VPS53: variants seen among roughly 807,000 people sequenced by gnomAD.
VPS53 encodes VPS53 subunit of GARP complex, also known as vacuolar protein sorting-associated protein 53 homolog.
In VPS53, 70 loss-of-function variants were observed where a neutral mutation model predicts 107.0. The ratio of observed to expected loss-of-function variants is 0.65; its 90% CI spans 0.54 to 0.80. VPS53 has a LOEUF of 0.80. Among genes scored for constraint, VPS53 ranks in the 30% least tolerant of loss-of-function variants. VPS53 has a pLI of 0.00. For missense variants in VPS53, 917 were observed against 1,049.4 expected (o/e 0.87, Z 1.74); for synonymous variants, 409 against 393.3 (o/e 1.04, Z -0.47).
intron 15 of VPS53, 111 bp from the exon 16 acceptor site, chr17:553,573 A>AG: frequency 1.3e-6 from 1 of 746,720 alleles, no homozygotes; most frequent in Non-Finnish European, 2.0e-6. Context: ...AATTCCATAC[A>AG]CTTTTTTTTT....
chr17:709,798 C>T (rs1001808372), intron 2 of VPS53, among the ~76,000 whole-genome samples: 11 of 152,286 alleles, frequency 7.2e-5, no homozygotes, highest in Middle Eastern at 6.8e-3. Flanking sequence ...GTAAGAAAAT[C>T]CATCTCCACA....
chr17:534,256 T>C (rs902635987), intron 18 of VPS53, among the ~76,000 whole-genome samples: 14 of 152,196 alleles, frequency 9.2e-5, no homozygotes, highest in African/African-American at 3.4e-4. Context: ...ATCTCCTTGA[T>C]TGAAGGGAGG....
At chr17:604,430 A>C (rs1230456832) in intron 11 of VPS53, among the ~76,000 whole-genome samples, 1 of 152,184 alleles carries the variant, frequency 6.6e-6, no homozygotes, top group Non-Finnish European at 1.5e-5. Flanking sequence ...AAGCATCAAG[A>C]AAACGGAGAG....
intron 11 of VPS53, among the ~76,000 whole-genome samples, chr17:612,533 CAT>C (rs1217901314): frequency 4.2e-5 from 6 of 141,484 alleles, no homozygotes; most frequent in South Asian, 2.3e-4. Flanking sequence ...CAAATATTCA[CAT>C]AGTGAGTTCA....
rs2151787988 is a variant in VPS53, at chr17:516,303, A to G, written c.*2825T>C. The G allele has an allele frequency of 6.6e-6, 1 of 152,248 alleles. No homozygotes were observed. Among genetic ancestry groups the G allele is most frequent in the Non-Finnish European group, 1.5e-5 (1 of 68,002 alleles). 9.4% of individuals were successfully genotyped at this position (152,248 alleles called of 1,614,324 possible). A position where few individuals can be genotyped will look rare whatever the true frequency, so the allele number is the denominator to read the frequency against. On this transcript the variant is annotated 3_prime_UTR_variant, in exon 22 of 22. Coordinates refer to ENST00000437048, the MANE Select transcript of VPS53 (RefSeq NM_001128159.3). Reference sequence around the variant, plus strand: ...CAAGGTGTAAACGTTATAACTACCTATGGAACTTTTAAACCTGTATGCCAG... The same window carrying G: ...CAAGGTGTAAACGTTATAACTACCTGTGGAACTTTTAAACCTGTATGCCAG...
Position 517,526 on chromosome 17 carries a change from T to C in VPS53, c.*1602A>G. On this transcript the variant is annotated 3_prime_UTR_variant, in exon 22 of 22. Coordinates refer to ENST00000437048, the MANE Select transcript of VPS53 (RefSeq NM_001128159.3). ...GATTTTAAGGAAATTTCCTCTATCC[T>C]GAAAACTTTTTGAGAAGGGGTCTTG... 1 of 398,440 alleles carries C rather than the reference T, an allele frequency of 2.5e-6. No homozygotes were observed. The highest frequency in any genetic ancestry group is 4.4e-6 in the Non-Finnish European group (1 of 225,948). 24.7% of individuals were successfully genotyped at this position (398,440 alleles called of 1,614,324 possible). A position where few individuals can be genotyped will look rare whatever the true frequency, so the allele number is the denominator to read the frequency against.
chr17:691,904 G>C (rs1972788539), intron 4 of VPS53, among the ~76,000 whole-genome samples: 1 of 152,188 alleles, frequency 6.6e-6, no homozygotes, highest in Non-Finnish European at 1.5e-5. Flanking sequence ...GTATACATAG[G>C]AAAAAATACG....
chr17:706,418 A>T (rs330999), intron 2 of VPS53, among the ~76,000 whole-genome samples: 86,680 of 151,016 alleles, frequency 0.57, 25,574 homozygotes, highest in Non-Finnish European at 0.64. Context: ...GTGTCTGTAA[A>T]CTCAGCTACT....
At position 511,066 on chromosome 17, in the gene VPS53, CTG is replaced by C. The variant is rs1453968884; in HGVS notation, c.*8060_*8061del. ...TGTAGGTATGAGGCTGTGGGGGACT[CTG>C]TGTAAACAGATGTTTTCTTTATATA... is the stretch of plus-strand genomic sequence containing the variant. On this transcript the variant is annotated 3_prime_UTR_variant, in exon 22 of 22. Transcript: ENST00000437048. 6.6e-6 allele frequency: 1 copy of C among 152,286 alleles called. No homozygotes were observed. Among genetic ancestry groups the C allele is most frequent in the Non-Finnish European group, 1.5e-5 (1 of 68,070 alleles). 9.4% of individuals were successfully genotyped at this position (152,286 alleles called of 1,614,324 possible). A position where few individuals can be genotyped will look rare whatever the true frequency, so the allele number is the denominator to read the frequency against.
chr17:575,885 G>A (rs1300444304), intron 13 of VPS53, among the ~76,000 whole-genome samples: 2 of 151,604 alleles, frequency 1.3e-5, no homozygotes, highest in Non-Finnish European at 2.9e-5. Context: ...AGAACCTAAT[G>A]CATTCGCAGC....
chr17:559,356 C>T (rs1399425706), intron 15 of VPS53, among the ~76,000 whole-genome samples: 1 of 152,128 alleles, frequency 6.6e-6, no homozygotes, highest in Non-Finnish European at 1.5e-5. Context: ...TCTGTGCACA[C>T]CCAAAATAGT....
At chr17:682,326 G>A (rs1972425005) in intron 4 of VPS53, among the ~76,000 whole-genome samples, 1 of 152,156 alleles carries the variant, frequency 6.6e-6, no homozygotes, top group South Asian at 2.1e-4. Flanking sequence ...AGCAGAAAGA[G>A]TGCTGCTCTT....
chr17:602,020 T>C (rs1968350691), intron 11 of VPS53, 124 bp from the exon 12 acceptor site: 2 of 627,288 alleles, frequency 3.2e-6, no homozygotes, highest in Non-Finnish European at 5.0e-6. Flanking sequence ...AAAGAAGAAC[T>C]GAGGCAACCC....
chr17:565,272 G>A (rs1428323449), intron 13 of VPS53, among the ~76,000 whole-genome samples: 5 of 151,518 alleles, frequency 3.3e-5, no homozygotes, highest in Non-Finnish European at 4.4e-5. Flanking sequence ...GCGTGGTGGC[G>A]GGTGCCTGTA....
chr17:596,148 G>A (rs779412718), intron 12 of VPS53, among the ~76,000 whole-genome samples: 5 of 152,208 alleles, frequency 3.3e-5, no homozygotes, highest in Admixed American at 6.5e-5. Flanking sequence ...TTTAAAAAGT[G>A]GTTCAGAAGA....
At chr17:671,706 CTTT>C (rs113856697) in intron 4 of VPS53, among the ~76,000 whole-genome samples, 5 of 138,674 alleles carry the variant, frequency 3.6e-5, no homozygotes, top group Non-Finnish European at 6.3e-5. Context: ...TTTCCCATGA[CTTT>C]TTTTTTTTTT....
intron 2 of VPS53, among the ~76,000 whole-genome samples, chr17:708,343 C>T (rs901289783): frequency 6.6e-6 from 1 of 152,024 alleles, no homozygotes; most frequent in Admixed American, 6.5e-5. Context: ...TTGTGGTAGC[C>T]GAAGCAGAGA....
chr17:560,775 A>C (rs1321245235), intron 14 of VPS53, among the ~76,000 whole-genome samples: 1 of 152,222 alleles, frequency 6.6e-6, no homozygotes, highest in African/African-American at 2.4e-5. Context: ...TATTTTAGTT[A>C]ATCTGAATCA....
At position 511,493 on chromosome 17, in the gene VPS53, C is replaced by T. The variant is rs1597228800; in HGVS notation, c.*7635G>A. On this transcript the variant is annotated 3_prime_UTR_variant, in exon 22 of 22. Coordinates refer to ENST00000437048, the MANE Select transcript of VPS53 (RefSeq NM_001128159.3). The stretch of plus-strand genomic sequence containing the variant: ...TGAGCAGCATTCCCAGGAGGCGGGA[C>T]GTTGGACGCTATTTTTATTTTAACA... 1 of 152,124 alleles carries T rather than the reference C, an allele frequency of 6.6e-6. No homozygotes were observed. The highest frequency in any genetic ancestry group is 1.5e-5 in the Non-Finnish European group (1 of 68,036). The allele number at this position is 152,124 out of a possible 1,614,324, so 9.4% of individuals were successfully genotyped here. A position where few individuals can be genotyped will look rare whatever the true frequency, so the allele number is the denominator to read the frequency against.
Sources: allele counts gnomAD v4.1 joint callset (sites outside exome capture counted in the v4.1 genomes callset), GRCh38; gene constraint gnomAD v4.1.1; transcripts MANE v1.5; gene names NCBI Gene and HGNC (gene_info 2026-07-23, HGNC 2026-07-21).